BORCS5: variants seen among roughly 807,000 people sequenced by gnomAD.
BORCS5 encodes BLOC-1-related complex subunit 5.
BORCS5 carries 17 observed loss-of-function variants against 22.1 expected under a neutral mutation model. The observed-to-expected ratio is 0.77, with a 90% CI of 0.53 to 1.15. The LOEUF (loss-of-function observed/expected upper bound fraction) is 1.15, where lower values mean the gene tolerates loss of function less well. Among genes scored for constraint, BORCS5 ranks in the 50% most tolerant of loss-of-function variants. The pLI, the probability that BORCS5 is intolerant of heterozygous loss-of-function variation, is 0.00. For synonymous variants in BORCS5, 117 were observed against 99.8 expected (o/e 1.17, Z -1.03); for missense variants, 247 against 253.2 (o/e 0.98, Z 0.17).
intron 3 of BORCS5, among the ~76,000 whole-genome samples, chr12:12,448,704 T>A (rs1426015450): frequency 1.3e-5 from 2 of 151,882 alleles, no homozygotes; most frequent in East Asian, 3.9e-4. Context: ...AATTTTTGTA[T>A]TTTTAGTAGA....
intron 2 of BORCS5, among the ~76,000 whole-genome samples, chr12:12,365,035 A>G (rs908983896): frequency 1.3e-5 from 2 of 152,224 alleles, no homozygotes; most frequent in Admixed American, 6.5e-5. Flanking sequence ...ATGCAATGCA[A>G]CTGGACCTGG....
chr12:12,370,279 G>A (rs1205009720), intron 2 of BORCS5, among the ~76,000 whole-genome samples: 2 of 151,758 alleles, frequency 1.3e-5, no homozygotes, highest in African/African-American at 4.8e-5. Flanking sequence ...TTTATTTTTA[G>A]TTTAAAGGAC....
chr12:12,421,292 C>T (rs918772889), intron 2 of BORCS5, among the ~76,000 whole-genome samples: 4 of 152,116 alleles, frequency 2.6e-5, no homozygotes, highest in African/African-American at 4.8e-5. Flanking sequence ...GCCTTTTCTG[C>T]ATCTATTGAG....
chr12:12,424,622 A>G (rs1408670228), intron 2 of BORCS5, among the ~76,000 whole-genome samples: 1 of 149,786 alleles, frequency 6.7e-6, no homozygotes, highest in African/African-American at 2.4e-5. Context: ...TTTTTTTTGA[A>G]AATTGGACAT....
intron 2 of BORCS5, among the ~76,000 whole-genome samples, chr12:12,430,633 A>C (rs1369073847): frequency 6.6e-6 from 1 of 152,178 alleles, no homozygotes; most frequent in Non-Finnish European, 1.5e-5. Context: ...TATTTAAAAA[A>C]TATTTAAGGG....
chr12:12,443,889 G>A (rs1458081953), intron 3 of BORCS5, among the ~76,000 whole-genome samples: 1 of 152,156 alleles, frequency 6.6e-6, no homozygotes, highest in Non-Finnish European at 1.5e-5. Flanking sequence ...ACCAGAGCGG[G>A]CAGTGTCAGA....
chr12:12,373,130 A>G (rs1354978166), intron 2 of BORCS5, among the ~76,000 whole-genome samples: 1 of 152,170 alleles, frequency 6.6e-6, no homozygotes, highest in Admixed American at 6.5e-5. Flanking sequence ...CGCCCTTACA[A>G]GAAGAGAGGG....
At chr12:12,359,350 A>G (rs1413767661) in intron 1 of BORCS5, among the ~76,000 whole-genome samples, 3 of 145,472 alleles carry the variant, frequency 2.1e-5, no homozygotes, top group Admixed American at 7.1e-5. Flanking sequence ...TGGGCGATGT[A>G]GTGAGACTTG....
At chr12:12,460,478 C>T (rs1943082290) in intron 3 of BORCS5, among the ~76,000 whole-genome samples, 2 of 152,140 alleles carry the variant, frequency 1.3e-5, no homozygotes, top group African/African-American at 2.4e-5. Context: ...ATTTCTTTGC[C>T]TTTTACTTAA....
At chr12:12,361,061 A>G (rs940429249) in intron 1 of BORCS5, 145 bp from the exon 2 acceptor site, 19 of 734,952 alleles carry the variant, frequency 2.6e-5, no homozygotes, top group African/African-American at 7.1e-5. Flanking sequence ...AACAGTTTCT[A>G]TAATTCATCC....
intron 3 of BORCS5, among the ~76,000 whole-genome samples, chr12:12,440,877 C>T (rs965424727): frequency 1.3e-5 from 2 of 152,146 alleles, no homozygotes; most frequent in African/African-American, 4.8e-5. Flanking sequence ...AAGCACTTCG[C>T]CCAGGTCACA....
intron 2 of BORCS5, among the ~76,000 whole-genome samples, chr12:12,375,086 A>G (rs1026026733): frequency 6.6e-6 from 1 of 150,534 alleles, no homozygotes; most frequent in Non-Finnish European, 1.5e-5. Flanking sequence ...ATCTTGGCTC[A>G]CTGCAACCTC....
Position 12,357,175 on chromosome 12 carries a change from G to A in BORCS5, c.-277G>A, listed in dbSNP as rs932906326. The A allele has an allele frequency of 1.3e-6, 2 of 1,526,584 alleles. No homozygotes were observed. The highest frequency in any genetic ancestry group is 2.4e-5 in the East Asian group (1 of 40,846). The allele number at this position is 1,526,584 out of a possible 1,614,324, so 94.6% of individuals were successfully genotyped here. On this transcript the variant is annotated 5_prime_UTR_variant, in exon 1 of 4. Coordinates refer to ENST00000314565, the MANE Select transcript of BORCS5 (RefSeq NM_058169.6). ...AGGTGCGGCAAAGCCAGTGTCATCT[G>A]CCGGTTCTCTTAGGGCTCCCGGAAA...
At chr12:12,359,138 A>G (rs1209982684) in intron 1 of BORCS5, among the ~76,000 whole-genome samples, 2 of 152,100 alleles carry the variant, frequency 1.3e-5, no homozygotes, top group Admixed American at 6.6e-5. Context: ...TTCCCTCCAA[A>G]TGGATTACTT....
At chr12:12,444,078 C>T (rs76587085) in intron 3 of BORCS5, among the ~76,000 whole-genome samples, 3,143 of 152,320 alleles carry the variant, frequency 0.021, 49 homozygotes, top group African/African-American at 0.034. Context: ...TTGAACATTG[C>T]TGCAGTGCCT....
intron 1 of BORCS5, among the ~76,000 whole-genome samples, chr12:12,360,149 G>A (rs1206421815): frequency 6.6e-6 from 1 of 152,118 alleles, no homozygotes. Flanking sequence ...GGATCACGAG[G>A]TCAGGAGTTC....
At chr12:12,368,731 A>G (rs1275490457) in intron 2 of BORCS5, among the ~76,000 whole-genome samples, 1 of 151,832 alleles carries the variant, frequency 6.6e-6, no homozygotes, top group African/African-American at 2.4e-5. Flanking sequence ...GGTGTGACCC[A>G]CTGCACCTGG....
intron 3 of BORCS5, among the ~76,000 whole-genome samples, chr12:12,447,181 A>G (rs1370032102): frequency 2.0e-5 from 3 of 152,156 alleles, no homozygotes; most frequent in Non-Finnish European, 4.4e-5. Flanking sequence ...GTATTCTGCA[A>G]AATCCGTGAA....
At chr12:12,393,463 T>C (rs1406567155) in intron 2 of BORCS5, among the ~76,000 whole-genome samples, 1 of 152,024 alleles carries the variant, frequency 6.6e-6, no homozygotes, top group Non-Finnish European at 1.5e-5. Flanking sequence ...CCTATCCTTA[T>C]ACAACTGGTT....
Sources: allele counts gnomAD v4.1 joint callset (sites outside exome capture counted in the v4.1 genomes callset), GRCh38; gene constraint gnomAD v4.1.1; transcripts MANE v1.5; gene names NCBI Gene and HGNC (gene_info 2026-07-23, HGNC 2026-07-21).